The following FOXJ3 variants were observed in gnomAD, a reference collection of about 807,000 sequenced individuals.
FOXJ3 encodes the protein forkhead box protein J3.
FOXJ3 carries 22 observed loss-of-function variants against 76.1 expected under a neutral mutation model. The observed-to-expected ratio is 0.29, with a 90% CI of 0.21 to 0.41. The LOEUF is 0.41. FOXJ3 is among the 10% of genes least tolerant of loss of function. FOXJ3 has a pLI of 1.00. For missense variants in FOXJ3, 613 were observed against 762.1 expected (o/e 0.80, Z 2.30); for synonymous variants, 269 against 261.2 (o/e 1.03, Z -0.29).
chr1:42,324,803 C>A (rs1655731428), intron 1 of FOXJ3, among the ~76,000 whole-genome samples: 1 of 152,140 alleles, frequency 6.6e-6, no homozygotes, highest in Admixed American at 6.5e-5. Flanking sequence ...ATGAATGGAG[C>A]TTGCAGGACT....
intron 4 of FOXJ3, among the ~76,000 whole-genome samples, chr1:42,255,196 G>T (rs1034843638): frequency 6.6e-6 from 1 of 152,094 alleles, no homozygotes; most frequent in Non-Finnish European, 1.5e-5. Flanking sequence ...GTAGATAAAC[G>T]AAATTATACT....
At chr1:42,249,341 T>C (rs1649828897) in intron 4 of FOXJ3, among the ~76,000 whole-genome samples, 1 of 152,360 alleles carries the variant, frequency 6.6e-6, no homozygotes, top group Non-Finnish European at 1.5e-5. Context: ...TGGACCATGT[T>C]AGTCTGTGAT....
At chr1:42,209,082 G>A (rs138878229) in intron 5 of FOXJ3, among the ~76,000 whole-genome samples, 192 of 152,228 alleles carry the variant, frequency 1.3e-3, no homozygotes, top group Middle Eastern at 3.4e-3. Context: ...TACAAAAGGC[G>A]TCCAAATAGG....
intron 1 of FOXJ3, among the ~76,000 whole-genome samples, chr1:42,315,976 T>C (rs1196753212): frequency 6.6e-6 from 1 of 152,208 alleles, no homozygotes; most frequent in Non-Finnish European, 1.5e-5. Context: ...ATTTACTGTA[T>C]TATATTCCAT....
chr1:42,280,878 A>G (rs1436768095), intron 2 of FOXJ3, among the ~76,000 whole-genome samples: 2 of 152,198 alleles, frequency 1.3e-5, no homozygotes, highest in Non-Finnish European at 2.9e-5. Flanking sequence ...TATTATTCAC[A>G]TTTCATTCAA....
chr1:42,243,320 A>G (rs1649297218), intron 4 of FOXJ3, among the ~76,000 whole-genome samples: 1 of 152,192 alleles, frequency 6.6e-6, no homozygotes, highest in East Asian at 1.9e-4. Flanking sequence ...AAAACCACCA[A>G]ATTGCAATAA....
At chr1:42,181,254 T>A (rs1200719637) in intron 12 of FOXJ3, among the ~76,000 whole-genome samples, 1 of 152,192 alleles carries the variant, frequency 6.6e-6, no homozygotes, top group Non-Finnish European at 1.5e-5. Context: ...GCCTCCATTA[T>A]CCTAAGTGAT....
At chr1:42,225,589 C>A (rs949897343) in intron 5 of FOXJ3, among the ~76,000 whole-genome samples, 9 of 152,122 alleles carry the variant, frequency 5.9e-5, no homozygotes, top group African/African-American at 2.2e-4. Flanking sequence ...ACAGGGGCAA[C>A]CAATATCCAG....
At chr1:42,248,351 T>C (rs1033573309) in intron 4 of FOXJ3, among the ~76,000 whole-genome samples, 15 of 151,606 alleles carry the variant, frequency 9.9e-5, no homozygotes, top group East Asian at 1.9e-4. Context: ...TCGCTAACAC[T>C]GTGAAACCCC....
At chr1:42,225,341 G>C (rs1052894871) in intron 5 of FOXJ3, among the ~76,000 whole-genome samples, 1 of 151,992 alleles carries the variant, frequency 6.6e-6, no homozygotes, top group African/African-American at 2.4e-5. Flanking sequence ...CATTTTCTTA[G>C]ATAAAACCCA....
At chr1:42,268,881 G>C (rs1028450741) in intron 3 of FOXJ3, among the ~76,000 whole-genome samples, 1 of 152,108 alleles carries the variant, frequency 6.6e-6, no homozygotes. Flanking sequence ...TCATGAATGA[G>C]ACTAGTGTTT....
At chr1:42,266,872 A>T (rs1651503853) in intron 3 of FOXJ3, among the ~76,000 whole-genome samples, 1 of 152,102 alleles carries the variant, frequency 6.6e-6, no homozygotes, top group African/African-American at 2.4e-5. Flanking sequence ...CTGGGGGAAG[A>T]ATGGAAACAA....
intron 3 of FOXJ3, among the ~76,000 whole-genome samples, chr1:42,268,345 T>C (rs921100557): frequency 2.6e-5 from 4 of 151,732 alleles, no homozygotes; most frequent in East Asian, 1.9e-4. Context: ...AGTGAAAATA[T>C]CTCTCAAAAA....
intron 2 of FOXJ3, among the ~76,000 whole-genome samples, chr1:42,293,069 C>A (rs539572732): frequency 6.6e-6 from 1 of 152,086 alleles, no homozygotes; most frequent in African/African-American, 2.4e-5. Context: ...CCACTGTACT[C>A]CAGCCTGGGT....
At chr1:42,328,507 G>C (rs1344692724) in intron 1 of FOXJ3, among the ~76,000 whole-genome samples, 1 of 151,936 alleles carries the variant, frequency 6.6e-6, no homozygotes, top group African/African-American at 2.4e-5. Context: ...TATTAATGTA[G>C]GTCCAATTAC....
At chr1:42,289,147 T>C (rs1156879319) in intron 2 of FOXJ3, among the ~76,000 whole-genome samples, 3 of 151,826 alleles carry the variant, frequency 2.0e-5, no homozygotes, top group Non-Finnish European at 4.4e-5. Context: ...TCTTCAGTCT[T>C]TTGGTCTCTT....
chr1:42,196,491 G>A (rs543005555), intron 7 of FOXJ3, among the ~76,000 whole-genome samples: 9 of 152,246 alleles, frequency 5.9e-5, no homozygotes, highest in African/African-American at 1.7e-4. Context: ...TCAGAAGTTC[G>A]AGACCAGCCT....
At chr1:42,201,679 C>T (rs180722328) in intron 6 of FOXJ3, among the ~76,000 whole-genome samples, 1 of 152,078 alleles carries the variant, frequency 6.6e-6, no homozygotes, top group African/African-American at 2.4e-5. Context: ...TGAAAATTTC[C>T]TTTCTTGTAA....
chr1:42,284,293 G>A (rs1205517441), intron 2 of FOXJ3, among the ~76,000 whole-genome samples: 1 of 152,152 alleles, frequency 6.6e-6, no homozygotes, highest in Admixed American at 6.6e-5. Flanking sequence ...CAAAGAATTT[G>A]GTCGAACTGT....
Sources: gnomAD v4.1 joint callset for allele counts (sites outside exome capture counted in the v4.1 genomes callset) on GRCh38, gnomAD v4.1.1 for gene constraint, MANE v1.5 for transcripts, NCBI Gene and HGNC (gene_info 2026-07-23, HGNC 2026-07-21) for gene names.